Variants in RNF103 observed in about 807,000 individuals in gnomAD.
RNF103 encodes the protein E3 ubiquitin-protein ligase RNF103.
Under a neutral mutation model 66.2 loss-of-function variants are expected in RNF103, and 23 were observed. The observed-to-expected ratio is 0.35, with a 90% CI of 0.25 to 0.49. The LOEUF (loss-of-function observed/expected upper bound fraction) is 0.49, where lower values mean the gene tolerates loss of function less well. RNF103 is among the 20% of genes least tolerant of loss of function. The pLI, the probability that RNF103 is intolerant of heterozygous loss-of-function variation, is 0.98. For missense variants in RNF103, 730 were observed against 814.7 expected, an observed-to-expected ratio of 0.90 and a Z score of 1.27; for synonymous variants, 297 against 289.9, an observed-to-expected ratio of 1.02 and a Z score of -0.25.
At chr2:86,617,807 C>A (rs1464628356) in intron 2 of RNF103, 1 of 1,044,848 alleles carries the variant, frequency 9.6e-7, no homozygotes, top group Non-Finnish European at 1.2e-6. Flanking sequence ...GTACAACCCT[C>A]TTTTAAGGGC....
intron 2 of RNF103, chr2:86,617,236 C>A (rs556477752): frequency 3.7e-4 from 361 of 985,354 alleles, no homozygotes; most frequent in Admixed American, 1.1e-3. Context: ...GAACTGGCTG[C>A]CATCTGTGCA....
intron 2 of RNF103, chr2:86,614,506 GGCA>G (rs2104241540): frequency 1.3e-5 from 2 of 153,248 alleles, no homozygotes; most frequent in Admixed American, 1.3e-4. Context: ...GGGAGGCTGA[GGCA>G]GCAGAATCGC....
chr2:86,617,904 C>A, intron 2 of RNF103: 1 of 1,002,242 alleles, frequency 1.0e-6, no homozygotes, highest in Non-Finnish European at 1.3e-6. Context: ...TCTCAGTTGT[C>A]CTGCCAGAGA....
At chr2:86,615,439 A>G (rs2104244655) in intron 2 of RNF103, among the ~76,000 whole-genome samples, 1 of 151,330 alleles carries the variant, frequency 6.6e-6, no homozygotes, top group African/African-American at 2.4e-5. Context: ...AAATGCTAAT[A>G]TTTTCACAAA....
At chr2:86,614,564 C>T in intron 2 of RNF103, 1 of 169,540 alleles carries the variant, frequency 5.9e-6, no homozygotes, top group Non-Finnish European at 1.2e-5. Flanking sequence ...GATTATGCCA[C>T]TGCACTCCAG....
rs1424404227 is a variant in RNF103 at position 86,622,939 on chromosome 2, G to T, written c.-53C>A. 1 of 1,534,618 alleles carries T rather than the reference G, an allele frequency of 6.5e-7. No homozygotes were observed. On this transcript the variant is annotated 5_prime_UTR_variant, in exon 1 of 4. Transcript: ENST00000237455. The stretch of plus-strand genomic sequence containing the variant: ...AGAGCTCGGAATACGGGAGAGAGAA[G>T]GGTCGAGGGCGGGGGCCGCGGCTCG...
At chr2:86,611,555 C>CA (rs1366157220) in intron 3 of RNF103, among the ~76,000 whole-genome samples, 2 of 150,746 alleles carry the variant, frequency 1.3e-5, no homozygotes, top group African/African-American at 2.4e-5. Context: ...GAAATGATGA[C>CA]AAAAAAACAA....
In RNF103 at chr2:86,603,770, A is replaced by G; in HGVS notation, c.*73T>C. 6.6e-7 allele frequency: 1 copy of G among 1,526,544 alleles called. No homozygotes were observed. Among genetic ancestry groups the G allele is most frequent in the Non-Finnish European group, 8.8e-7 (1 of 1,139,654 alleles). 94.6% of individuals were successfully genotyped at this position (1,526,544 alleles called of 1,614,324 possible). Reference sequence around the variant, plus strand: ...ACATTAAACTAAACTTCAAACCACAAAAACATTGTGACTAACATTAAAAAG... The same window carrying G: ...ACATTAAACTAAACTTCAAACCACAGAAACATTGTGACTAACATTAAAAAG... On this transcript the variant is annotated 3_prime_UTR_variant, in exon 4 of 4. Transcript: ENST00000237455.
At position 86,604,488 on chromosome 2, in the gene RNF103, A is replaced by T; in HGVS notation, c.1413T>A (p.Ala471=). 6.2e-7 allele frequency: 1 copy of T among 1,614,258 alleles called. No individual in the cohort carries two copies. ...ATTCTACAGGAAAGTTCTGAAAAGAAGCAATCGGGTGGAAGAGGTAGCTGG... is the reference window on the plus strand; with the variant it reads ...ATTCTACAGGAAAGTTCTGAAAAGATGCAATCGGGTGGAAGAGGTAGCTGG... ...WYTSYLFHPI[A]SFQNFPVESD... is the part of the protein sequence containing the mutation. Residue 471 remains alanine, a synonymous_variant, in exon 4 of 4, where the codon GCT becomes GCA. Coordinates refer to ENST00000237455, the MANE Select transcript of RNF103 (RefSeq NM_005667.4).
Position 86,604,473 on chromosome 2 carries a change from A to C in RNF103, c.1428T>G (p.Phe476Leu), listed in dbSNP as rs376209831. The C allele has an allele frequency of 6.8e-6, 11 of 1,614,232 alleles. No individual in the cohort carries two copies. The African/African-American group carries it at 1.2e-4, about 18-fold the overall frequency. ...LFHPIASFQN[F>L]PVESDWDEDP... ...CTTCGTCCCAATCAGATTCTACAGGAAAGTTCTGAAAAGAAGCAATCGGGT... is the reference window on the plus strand; with the variant it reads ...CTTCGTCCCAATCAGATTCTACAGGCAAGTTCTGAAAAGAAGCAATCGGGT... Residue 476 changes from phenylalanine to leucine, a missense_variant, in exon 4 of 4, where the codon TTT (phenylalanine) becomes TTG (leucine). By Grantham distance (22) the Phe-to-Leu change is conservative. This residue lies in a region of RNF103 where 355 missense variants were observed against 351.9 expected (regional missense o/e 1.01). Coordinates refer to ENST00000237455, the MANE Select transcript of RNF103 (RefSeq NM_005667.4).
At chr2:86,615,874 C>T (rs1678998785) in intron 2 of RNF103, among the ~76,000 whole-genome samples, 2 of 152,182 alleles carry the variant, frequency 1.3e-5, no homozygotes, top group South Asian at 4.1e-4. Flanking sequence ...GCAGCTAATA[C>T]AGTGCCCAAC....
At chr2:86,608,033 A>T (rs971844395) in intron 3 of RNF103, among the ~76,000 whole-genome samples, 2 of 152,164 alleles carry the variant, frequency 1.3e-5, no homozygotes, top group South Asian at 4.1e-4. Flanking sequence ...TTCAAAAAAA[A>T]TTTTTTTATG....
rs369874847 is a variant in RNF103 at position 86,604,089 on chromosome 2, C to A, written c.1812G>T (p.Met604Ile). 251 of 1,613,650 alleles carry A rather than the reference C, an allele frequency of 1.6e-4. 1 individual carries two copies. The highest frequency in any genetic ancestry group is 2.0e-4 in the Non-Finnish European group (240 of 1,180,040). Residue 604 changes from methionine (M) to isoleucine (I), a missense_variant, in exon 4 of 4, where the codon ATG (methionine) becomes ATT (isoleucine). By Grantham distance (10) the Met-to-Ile change is conservative. Transcript: ENST00000237455. Reference protein sequence around the residue: ...SYGSYNTNEDMEPDWLTWPAD... With the variant: ...SYGSYNTNEDIEPDWLTWPAD... ...CAGGCCAAGTTAACCAATCAGGTTC[C>A]ATATCTTCATTAGTGTTATATGATC...
chr2:86,621,662 A>T (rs188094002), intron 1 of RNF103, among the ~76,000 whole-genome samples: 1 of 151,850 alleles, frequency 6.6e-6, no homozygotes, highest in Non-Finnish European at 1.5e-5. Flanking sequence ...ATCACGCTAC[A>T]TGTCTATAAG....
At chr2:86,608,595 C>T (rs993383340) in intron 3 of RNF103, among the ~76,000 whole-genome samples, 2 of 151,384 alleles carry the variant, frequency 1.3e-5, no homozygotes, top group African/African-American at 4.9e-5. Flanking sequence ...CCTTGGTTTT[C>T]CTCGCTCTCT....
intron 2 of RNF103, chr2:86,615,363 T>A (rs757834230): frequency 1.0e-5 from 4 of 401,918 alleles, no homozygotes; most frequent in African/African-American, 4.3e-5. Flanking sequence ...TACATAGTTA[T>A]ATAATTCAAC....
At position 86,623,541 on chromosome 2, in the gene RNF103, G is replaced by T. The variant is rs1679324220; in HGVS notation, c.-655C>A. The stretch of plus-strand genomic sequence containing the variant: ...CCAGGCTCCGCGAGAAGAGCGGCGG[G>T]CACGGCGGCGGCTCCAGGTTCGCTC... On this transcript the variant is annotated 5_prime_UTR_variant, in exon 1 of 4. Coordinates refer to ENST00000237455, the MANE Select transcript of RNF103 (RefSeq NM_005667.4). The T allele has an allele frequency of 1.0e-6, 1 of 985,288 alleles. No homozygotes were observed. Among genetic ancestry groups the T allele is most frequent in the Admixed American group, 6.2e-5 (1 of 16,108 alleles). 61.0% of individuals were successfully genotyped at this position (985,288 alleles called of 1,614,324 possible). A position where few individuals can be genotyped will look rare whatever the true frequency, so the allele number is the denominator to read the frequency against.
At chr2:86,615,191 C>T (rs1449921838) in intron 2 of RNF103, 21 of 985,190 alleles carry the variant, frequency 2.1e-5, no homozygotes, top group Admixed American at 6.1e-5. Context: ...ATGCCAGGGC[C>T]TTATTTATTC....
rs553166697 is a variant in RNF103, at chr2:86,606,549, G to A, written c.483-1131C>T. On this transcript the variant is annotated intron_variant, in intron 3 of 3. Coordinates refer to ENST00000237455, the MANE Select transcript of RNF103 (RefSeq NM_005667.4). ...ATGGCAACGCGTGCCTGTAATCCCA[G>A]CTACTTGGGAGGCTGAGGCAGGAGA... is the stretch of plus-strand genomic sequence containing the variant. Among the ~76,000 whole-genome samples the A allele has an allele frequency of 6.6e-5, 10 of 151,380 alleles. 1 individual carries two copies. The East Asian group carries it at 1.4e-3, about 21-fold the overall frequency.
Sources: allele counts gnomAD v4.1 joint callset (sites outside exome capture counted in the v4.1 genomes callset), GRCh38; gene constraint gnomAD v4.1.1; regional missense constraint gnomAD v4.1.1; transcripts MANE v1.5; gene names NCBI Gene and HGNC (gene_info 2026-07-23, HGNC 2026-07-21).